PDE4B: variants seen among roughly 807,000 people sequenced by gnomAD.
PDE4B encodes the protein 3',5'-cyclic-AMP phosphodiesterase 4B.
A neutral mutation model predicts 82.2 loss-of-function variants in PDE4B; 20 were observed. The ratio of observed to expected loss-of-function variants is 0.24; its 90% CI spans 0.17 to 0.35. The LOEUF (loss-of-function observed/expected upper bound fraction) is 0.35. PDE4B is among the 10% of genes least tolerant of loss of function. The pLI is 1.00. For synonymous variants in PDE4B, 320 were observed against 318.9 expected (o/e 1.00, Z -0.04); for missense variants, 655 against 907.2 (o/e 0.72, Z 3.57).
chr1:66,082,170 C>T (rs115841460), intron 3 of PDE4B, among the ~76,000 whole-genome samples: 107 of 152,218 alleles, frequency 7.0e-4, no homozygotes, highest in Middle Eastern at 3.4e-3. Flanking sequence ...TCATTGCATA[C>T]TTCATCAGGT....
chr1:66,354,610 C>A, intron 8 of PDE4B: 1 of 1,344,490 alleles, frequency 7.4e-7, no homozygotes, highest in Non-Finnish European at 9.5e-7. Flanking sequence ...GATTTCATTA[C>A]TCTCTTCTGC....
intron 3 of PDE4B, among the ~76,000 whole-genome samples, chr1:65,951,469 TA>T (rs1260702863): frequency 6.6e-6 from 1 of 152,026 alleles, no homozygotes. Context: ...TTTGATCCAG[TA>T]AAAAAAGTGT....
intron 3 of PDE4B, among the ~76,000 whole-genome samples, chr1:66,245,214 G>T (rs931852816): frequency 6.6e-6 from 1 of 152,160 alleles, no homozygotes; most frequent in Non-Finnish European, 1.5e-5. Flanking sequence ...AAGAAGTCCA[G>T]CTGACCCTGG....
intron 3 of PDE4B, among the ~76,000 whole-genome samples, chr1:66,123,486 CCTTT>C (rs1326278462): frequency 2.0e-5 from 3 of 151,974 alleles, no homozygotes; most frequent in Admixed American, 1.3e-4. Context: ...TGCCTTTCTT[CCTTT>C]GTCATTCCCT....
intron 7 of PDE4B, among the ~76,000 whole-genome samples, chr1:66,317,438 T>C (rs1193119924): frequency 6.6e-6 from 1 of 152,194 alleles, no homozygotes; most frequent in African/African-American, 2.4e-5. Flanking sequence ...ATCTCTGAAA[T>C]CTATGCTTAT....
chr1:66,366,180 G>C (rs1443178945), intron 13 of PDE4B, among the ~76,000 whole-genome samples: 1 of 152,056 alleles, frequency 6.6e-6, no homozygotes, highest in Non-Finnish European at 1.5e-5. Flanking sequence ...TGTTGAATCT[G>C]CACATGGGAA....
intron 1 of PDE4B, among the ~76,000 whole-genome samples, chr1:65,879,317 T>G (rs1247643012): frequency 6.6e-6 from 1 of 152,198 alleles, no homozygotes; most frequent in African/African-American, 2.4e-5. Context: ...ATTTTTTTTC[T>G]GATATTTATA....
intron 3 of PDE4B, chr1:65,993,120 C>A: frequency 6.2e-7 from 1 of 1,613,482 alleles, no homozygotes; most frequent in South Asian, 1.1e-5. Context: ...GCAGCGTCGT[C>A]GCTTCACTGT....
chr1:66,353,621 G>T (rs567711262), intron 8 of PDE4B, among the ~76,000 whole-genome samples: 1 of 152,156 alleles, frequency 6.6e-6, no homozygotes, highest in Non-Finnish European at 1.5e-5. Flanking sequence ...GGGAAATGGG[G>T]TGAACCTGGG....
intron 1 of PDE4B, among the ~76,000 whole-genome samples, chr1:65,823,260 G>A (rs1482397782): frequency 6.6e-6 from 1 of 151,928 alleles, no homozygotes; most frequent in Non-Finnish European, 1.5e-5. Context: ...GCTGGGTGTG[G>A]TGGTGTGTGT....
chr1:66,174,162 T>TA (rs1197913762), intron 3 of PDE4B, among the ~76,000 whole-genome samples: 4 of 152,162 alleles, frequency 2.6e-5, no homozygotes, highest in African/African-American at 9.7e-5. Context: ...GGTGAGAAAA[T>TA]AAAATGGAAC....
chr1:66,254,872 A>C (rs1245721808), intron 4 of PDE4B, among the ~76,000 whole-genome samples: 2 of 151,986 alleles, frequency 1.3e-5, no homozygotes. Flanking sequence ...ATTTCTAACT[A>C]TTCTTTCCAG....
intron 7 of PDE4B, chr1:66,331,895 A>G: frequency 1.0e-6 from 1 of 987,146 alleles, no homozygotes; most frequent in Non-Finnish European, 1.2e-6. Context: ...AGAAAGGAAT[A>G]GCCTATGCCT....
chr1:66,119,698 G>A lies in PDE4B; in HGVS notation c.282-127762G>A, dbSNP rs72667478. 6.0e-3 allele frequency among the ~76,000 whole-genome samples: 920 copies of A among 152,246 alleles called. 3 individuals are homozygous for A. Among genetic ancestry groups the A allele is most frequent in the Non-Finnish European group, 0.011 (751 of 68,020 alleles). The stretch of plus-strand genomic sequence containing the variant: ...TTGTCACTGTTCTGGGTTAAATTGT[G>A]TTTCCCCCAAAAGATGTTGAAGTCC... On this transcript the variant is annotated intron_variant, in intron 3 of 16. Transcript: ENST00000341517.
chr1:66,090,621 A>ATATATATATATATATATATGTG lies in PDE4B; in HGVS notation c.282-156838_282-156837insATATATATATATATATATGTGT. On this transcript the variant is annotated intron_variant, in intron 3 of 16. Transcript: ENST00000341517. ...TTATATATATATATGTATATAATAT[A>ATATATATATATATATATATGTG]TGTGTGTGTGTGTGTGTGTATGTAC... is the stretch of plus-strand genomic sequence containing the variant. Among the ~76,000 whole-genome samples, 35 of 122,708 alleles carry ATATATATATATATATATATGTG rather than the reference A, an allele frequency of 2.9e-4. 2 individuals are homozygous for ATATATATATATATATATATGTG. The highest frequency in any genetic ancestry group is 1.2e-3 in the African/African-American group (29 of 24,358). 80.5% of individuals were successfully genotyped at this position (122,708 alleles called of 152,430 possible).
intron 3 of PDE4B, among the ~76,000 whole-genome samples, chr1:66,203,187 C>A (rs1370083056): frequency 6.6e-6 from 1 of 152,140 alleles, no homozygotes; most frequent in Non-Finnish European, 1.5e-5. Context: ...CCACTGTCTT[C>A]TGGCTTGTAG....
chr1:65,832,247 T>C (rs1408508176), intron 1 of PDE4B, among the ~76,000 whole-genome samples: 3 of 152,182 alleles, frequency 2.0e-5, no homozygotes, highest in Non-Finnish European at 2.9e-5. Context: ...AGTGTTTCCA[T>C]TGCAGGATGA....
chr1:66,130,416 A>G (rs1645916963), intron 3 of PDE4B, among the ~76,000 whole-genome samples: 1 of 152,220 alleles, frequency 6.6e-6, no homozygotes, highest in Non-Finnish European at 1.5e-5. Context: ...AATGCTGTCC[A>G]CATACATGAT....
chr1:65,899,912 C>T (rs1646952643), intron 1 of PDE4B, among the ~76,000 whole-genome samples: 1 of 151,820 alleles, frequency 6.6e-6, no homozygotes, highest in East Asian at 1.9e-4. Flanking sequence ...GGATAAAAGA[C>T]TACAAATAGG....
Sources: allele counts gnomAD v4.1 joint callset (sites outside exome capture counted in the v4.1 genomes callset), GRCh38; gene constraint gnomAD v4.1.1; transcripts MANE v1.5; gene names NCBI Gene and HGNC (gene_info 2026-07-23, HGNC 2026-07-21).